Variants in GALNT17 observed in about 807,000 individuals in gnomAD.
The protein encoded by GALNT17 is UDP-GalNAc:polypeptide N-acetylgalactosaminyltransferase-like 3.
A neutral mutation model predicts 63.7 loss-of-function variants in GALNT17; 29 were observed. That is an observed-to-expected ratio of 0.46 (90% CI 0.34 to 0.62). GALNT17 has a LOEUF of 0.62. Ranked by LOEUF, GALNT17 falls within the 20% of genes least tolerant of loss-of-function variation. The pLI is 0.01. For synonymous variants in GALNT17, 305 were observed against 318.3 expected, an observed-to-expected ratio of 0.96 and a Z score of 0.45; for missense variants, 603 against 799.6, an observed-to-expected ratio of 0.75 and a Z score of 2.97.
intron 1 of GALNT17, among the ~76,000 whole-genome samples, chr7:71,255,888 G>A (rs1790280568): frequency 6.6e-6 from 1 of 152,154 alleles, no homozygotes; most frequent in Admixed American, 6.5e-5. Flanking sequence ...TCTCGGCCAA[G>A]GGCAATCCCA....
rs1787708987 is a variant in GALNT17 at position 71,132,865 on chromosome 7, C to A, written c.63C>A (p.Phe21Leu). 1 of 1,612,910 alleles carries A rather than the reference C, an allele frequency of 6.2e-7. No homozygotes were observed. The change falls in exon 1 of 11, where the codon TTC (phenylalanine) becomes TTA (leucine). Residue 21 changes from phenylalanine to leucine, a missense_variant. Transcript: ENST00000333538. ...LVLNLIAVAGFVLFLAKCRPI... is the reference protein window; with the variant it reads ...LVLNLIAVAGLVLFLAKCRPI... ...TGAACTTGATCGCGGTAGCCGGCTTCGTGCTCTTCCTGGCCAAGTGCCGGC... is the reference window on the plus strand; with the variant it reads ...TGAACTTGATCGCGGTAGCCGGCTTAGTGCTCTTCCTGGCCAAGTGCCGGC...
At chr7:71,688,201 A>G (rs1174968625) in intron 9 of GALNT17, among the ~76,000 whole-genome samples, 3 of 152,180 alleles carry the variant, frequency 2.0e-5, no homozygotes, top group African/African-American at 7.2e-5. Context: ...TGCAACACTT[A>G]TAAATTCGTC....
chr7:71,498,537 A>G (rs1263091976), intron 5 of GALNT17, among the ~76,000 whole-genome samples: 1 of 152,186 alleles, frequency 6.6e-6, no homozygotes, highest in Non-Finnish European at 1.5e-5. Context: ...GTGAATGTTT[A>G]GCGTCATAGT....
intron 1 of GALNT17, among the ~76,000 whole-genome samples, chr7:71,189,550 A>G (rs1408687002): frequency 6.6e-6 from 1 of 152,070 alleles, no homozygotes; most frequent in Non-Finnish European, 1.5e-5. Flanking sequence ...GGAGGGAGGA[A>G]GGCAGGAATG....
intron 1 of GALNT17, among the ~76,000 whole-genome samples, chr7:71,158,819 C>T: frequency 6.6e-6 from 1 of 151,834 alleles, no homozygotes; most frequent in Non-Finnish European, 1.5e-5. Flanking sequence ...TCGTGGTCCA[C>T]CCACCTCGGC....
At chr7:71,659,276 T>C (rs1790871884) in intron 6 of GALNT17, among the ~76,000 whole-genome samples, 1 of 152,256 alleles carries the variant, frequency 6.6e-6, no homozygotes, top group African/African-American at 2.4e-5. Flanking sequence ...TGTATTGCAG[T>C]GTAAGCCCAA....
chr7:71,280,512 G>A (rs548332172), intron 1 of GALNT17, among the ~76,000 whole-genome samples: 1 of 152,280 alleles, frequency 6.6e-6, no homozygotes, highest in South Asian at 2.1e-4. Context: ...GACCCTCTTG[G>A]TTGCAAGTGA....
intron 3 of GALNT17, among the ~76,000 whole-genome samples, chr7:71,399,756 T>C (rs570377478): frequency 6.6e-6 from 1 of 152,030 alleles, no homozygotes; most frequent in East Asian, 1.9e-4. Context: ...TATGAAAGGC[T>C]TTTTTTTCTC....
intron 3 of GALNT17, among the ~76,000 whole-genome samples, chr7:71,407,198 A>G (rs1448241728): frequency 6.6e-6 from 1 of 152,150 alleles, no homozygotes; most frequent in Non-Finnish European, 1.5e-5. Flanking sequence ...TCCCATCAGG[A>G]TGAGGAGTCT....
At chr7:71,375,731 G>A (rs926009738) in intron 2 of GALNT17, among the ~76,000 whole-genome samples, 1 of 152,136 alleles carries the variant, frequency 6.6e-6, no homozygotes, top group African/African-American at 2.4e-5. Context: ...TTGGCTTTTA[G>A]TTTCTATAAA....
chr7:71,467,059 G>A (rs900655432), intron 5 of GALNT17, among the ~76,000 whole-genome samples: 5 of 152,046 alleles, frequency 3.3e-5, no homozygotes, highest in Non-Finnish European at 7.4e-5. Context: ...TTTGATTTAC[G>A]ATTTTCTTCA....
intron 9 of GALNT17, among the ~76,000 whole-genome samples, chr7:71,699,119 C>G (rs1294715949): frequency 7.6e-6 from 1 of 131,312 alleles, no homozygotes; most frequent in Non-Finnish European, 1.5e-5. Context: ...TTGTAGTGAG[C>G]CAAGATCATG....
intron 5 of GALNT17, among the ~76,000 whole-genome samples, chr7:71,560,001 C>T (rs1789227630): frequency 6.6e-6 from 1 of 151,638 alleles, no homozygotes; most frequent in African/African-American, 2.4e-5. Context: ...CGAGACCAGC[C>T]TAGCCAAGAT....
rs570688193 is a variant in GALNT17, at chr7:71,551,112, A to G, written c.963-20173A>G. ...TGGTGTCAGATCTTATCATTGTATT[A>G]TTTATGTTGCCTACCCTCTTTTATT... On this transcript the variant is annotated intron_variant, in intron 5 of 10. Transcript: ENST00000333538. Among the ~76,000 whole-genome samples, 36 of 152,050 alleles carry G rather than the reference A, an allele frequency of 2.4e-4. No individual in the cohort carries two copies. The South Asian group carries it at 7.3e-3, about 31-fold the overall frequency.
chr7:71,523,970 T>G (rs964629889), intron 5 of GALNT17, among the ~76,000 whole-genome samples: 1 of 149,084 alleles, frequency 6.7e-6, no homozygotes, highest in Non-Finnish European at 1.5e-5. Flanking sequence ...ATTCAAAAAC[T>G]AGCCAGATGT....
chr7:71,672,049 A>G lies in GALNT17; in HGVS notation c.1404+1940A>G, dbSNP rs1023382707. Among the ~76,000 whole-genome samples, 7 of 138,726 alleles carry G rather than the reference A, an allele frequency of 5.0e-5. No individual in the cohort carries two copies. The South Asian group carries it at 1.6e-3, about 31-fold the overall frequency. 91.0% of individuals were successfully genotyped at this position (138,726 alleles called of 152,430 possible). On this transcript the variant is annotated intron_variant, in intron 8 of 10. Coordinates refer to ENST00000333538, the MANE Select transcript of GALNT17 (RefSeq NM_022479.3). ...TCTCAAAAAAAAAAAAAAAAAAAAA[A>G]TGGTACCTGGCACACAACAGTAATT...
At chr7:71,404,033 C>G (rs1793285208) in intron 3 of GALNT17, among the ~76,000 whole-genome samples, 1 of 152,122 alleles carries the variant, frequency 6.6e-6, no homozygotes, top group Admixed American at 6.5e-5. Context: ...TTTCAAATGC[C>G]TTTGATGGGG....
chr7:71,212,620 AGG>A (rs545033717), intron 1 of GALNT17, among the ~76,000 whole-genome samples: 1 of 152,054 alleles, frequency 6.6e-6, no homozygotes, highest in East Asian at 1.9e-4. Flanking sequence ...AGCAGCCAGG[AGG>A]GGGGGCTATA....
intron 2 of GALNT17, among the ~76,000 whole-genome samples, chr7:71,380,959 G>C (rs1051450128): frequency 4.6e-5 from 7 of 151,350 alleles, no homozygotes; most frequent in African/African-American, 1.7e-4. Flanking sequence ...AGGAGCCTGG[G>C]GTTTTTGTTT....
Sources: gnomAD v4.1 joint callset for allele counts (sites outside exome capture counted in the v4.1 genomes callset) on GRCh38, gnomAD v4.1.1 for gene constraint, MANE v1.5 for transcripts, NCBI Gene and HGNC (gene_info 2026-07-23, HGNC 2026-07-21) for gene names.